Variants in MTPAP observed in about 807,000 individuals in gnomAD.
The protein encoded by MTPAP is mitochondrial poly(A) polymerase.
A neutral mutation model predicts 48.7 loss-of-function variants in MTPAP; 23 were observed. The ratio of observed to expected loss-of-function variants is 0.47; its 90% CI spans 0.34 to 0.67. The LOEUF (loss-of-function observed/expected upper bound fraction) is 0.67, where lower values mean the gene tolerates loss of function less well. MTPAP is among the 30% of genes least tolerant of loss of function. The pLI, the probability that MTPAP is intolerant of heterozygous loss-of-function variation, is 0.01. For missense variants in MTPAP, 614 were observed against 694.3 expected, an observed-to-expected ratio of 0.88 and a Z score of 1.30; for synonymous variants, 257 against 254.1, an observed-to-expected ratio of 1.01 and a Z score of -0.11.
intron 6 of MTPAP, among the ~76,000 whole-genome samples, chr10:30,321,462 A>C (rs923789584): frequency 6.6e-6 from 1 of 152,190 alleles, no homozygotes; most frequent in African/African-American, 2.4e-5. Context: ...AGCATGGAAG[A>C]AATAATTTAG....
intron 4 of MTPAP, among the ~76,000 whole-genome samples, chr10:30,331,739 G>T (rs899989879): frequency 6.6e-6 from 1 of 152,164 alleles, no homozygotes; most frequent in Non-Finnish European, 1.5e-5. Flanking sequence ...GCTAATTTTT[G>T]TTATCTTTGT....
chr10:30,333,244 C>T (rs950614060), intron 4 of MTPAP, among the ~76,000 whole-genome samples: 5 of 152,086 alleles, frequency 3.3e-5, no homozygotes, highest in African/African-American at 1.2e-4. Flanking sequence ...AATTATATTG[C>T]TGTTGATGGT....
intron 4 of MTPAP, among the ~76,000 whole-genome samples, chr10:30,331,837 G>T (rs984312032): frequency 1.3e-5 from 2 of 152,258 alleles, no homozygotes; most frequent in Non-Finnish European, 2.9e-5. Context: ...AAAGTGCTGG[G>T]ATTACAGGCG....
intron 1 of MTPAP, among the ~76,000 whole-genome samples, chr10:30,342,969 T>C (rs763892951): frequency 1.6e-4 from 24 of 152,162 alleles, no homozygotes; most frequent in Non-Finnish European, 3.1e-4. Context: ...GGTCAACAAA[T>C]GAACTAAGTA....
intron 3 of MTPAP, among the ~76,000 whole-genome samples, chr10:30,338,376 C>T (rs1289835718): frequency 2.6e-5 from 4 of 151,750 alleles, no homozygotes; most frequent in Admixed American, 2.6e-4. Context: ...GCATTCAACT[C>T]AAAAATAATA....
chr10:30,344,271 T>A (rs1203125790), intron 1 of MTPAP, among the ~76,000 whole-genome samples: 1 of 152,186 alleles, frequency 6.6e-6, no homozygotes, highest in Non-Finnish European at 1.5e-5. Flanking sequence ...ATGAACTATC[T>A]ATGTCTTCTT....
At position 30,313,721 on chromosome 10, in the gene MTPAP, C is replaced by T. The variant is rs17855116; in HGVS notation, c.1637G>A (p.Ser546Asn). 1.7e-3 allele frequency: 2,681 copies of T among 1,614,140 alleles called. 12 individuals are homozygous for T. The highest frequency in any genetic ancestry group is 1.2e-3 in the Non-Finnish European group (1,398 of 1,180,020). Reference sequence around the variant, plus strand: ...GACTGTTTCAATTGCAAACTTATTGCTTTTCTTCTTGGTAAAGGACTTTCT... The same window carrying T: ...GACTGTTTCAATTGCAAACTTATTGTTTTTCTTCTTGGTAAAGGACTTTCT... The part of the protein sequence containing the change: ...PNRKSFTKKK[S>N]NKFAIETVKN... Residue 546 changes from serine (S) to asparagine (N), a missense_variant, in exon 9 of 9, where the codon AGC becomes AAC. Coordinates refer to ENST00000263063, the MANE Select transcript of MTPAP (RefSeq NM_018109.4).
chr10:30,310,993 G>A lies in MTPAP; in HGVS notation c.*2616C>T, dbSNP rs1057121466. ...AGTAAAACAGCCTAGTGTCAAGGCT[G>A]TCCTACAAATTACCAAAAAGAAAAG... On this transcript the variant is annotated 3_prime_UTR_variant, in exon 9 of 9. Coordinates refer to ENST00000263063, the MANE Select transcript of MTPAP (RefSeq NM_018109.4). 1 of 151,976 alleles carries A rather than the reference G, an allele frequency of 6.6e-6. No homozygotes were observed. Among genetic ancestry groups the A allele is most frequent in the African/African-American group, 2.4e-5 (1 of 41,368 alleles). The allele number at this position is 151,976 out of a possible 1,614,324, so 9.4% of individuals were successfully genotyped here.
Position 30,313,306 on chromosome 10 carries a change from G to T in MTPAP, c.*303C>A. 2.8e-6 allele frequency: 1 copy of T among 361,450 alleles called. No homozygotes were observed. Among genetic ancestry groups the T allele is most frequent in the Non-Finnish European group, 5.1e-6 (1 of 195,700 alleles). 22.4% of individuals were successfully genotyped at this position (361,450 alleles called of 1,614,324 possible). ...GATGGAATCTTGCTATGTTGTCCAC[G>T]ATGGATTCAAAATCCTGGGCTCAAG... On this transcript the variant is annotated 3_prime_UTR_variant, in exon 9 of 9. Transcript: ENST00000263063.
chr10:30,335,617 A>T (rs1834721476), intron 4 of MTPAP, among the ~76,000 whole-genome samples: 1 of 152,220 alleles, frequency 6.6e-6, no homozygotes, highest in South Asian at 2.1e-4. Context: ...TGTTAAAGAG[A>T]ACATAAATGG....
chr10:30,343,554 A>T (rs979474453), intron 1 of MTPAP, among the ~76,000 whole-genome samples: 1 of 151,742 alleles, frequency 6.6e-6, no homozygotes, highest in Non-Finnish European at 1.5e-5. Context: ...CAAACCCACT[A>T]TCTTACTATC....
rs772735834 is a variant in MTPAP at position 30,322,585 on chromosome 10, A to C, written c.1025T>G (p.Ile342Arg). ...IALTSSELLY[I>R]YGALDSRVRA... is the part of the protein sequence containing the mutation. ...CACTCTTGAGTCTAGGGCACCATATATATAAAGGAGTTCGGAACTTGTCAA... is the reference window on the plus strand; with the variant it reads ...CACTCTTGAGTCTAGGGCACCATATCTATAAAGGAGTTCGGAACTTGTCAA... The change falls in exon 6 of 9, where the codon ATA (isoleucine) becomes AGA (arginine). Residue 342 changes from isoleucine (I) to arginine (R), a missense_variant. Around this residue, in one of 5 missense-constraint regions of MTPAP, gnomAD observed 261 missense variants for 355.4 expected, o/e 0.73. Transcript: ENST00000263063. 2 of 1,613,936 alleles carry C rather than the reference A, an allele frequency of 1.2e-6. No individual in the cohort carries two copies.
At chr10:30,338,202 G>A (rs965486129) in intron 3 of MTPAP, among the ~76,000 whole-genome samples, 1 of 152,098 alleles carries the variant, frequency 6.6e-6, no homozygotes, top group Admixed American at 6.6e-5. Context: ...TGCAGCTACA[G>A]TGAGCTGAGA....
At chr10:30,341,796 G>A (rs943074253) in intron 1 of MTPAP, among the ~76,000 whole-genome samples, 156 bp from the exon 2 acceptor site, 1 of 152,068 alleles carries the variant, frequency 6.6e-6, no homozygotes, top group African/African-American at 2.4e-5. Flanking sequence ...TACTACAGTA[G>A]TCTCCCCATT....
In MTPAP at chr10:30,326,598, T is replaced by G; in HGVS notation, c.818A>C (p.Asn273Thr). 1 of 1,613,768 alleles carries G rather than the reference T, an allele frequency of 6.2e-7. No individual in the cohort carries two copies. Among genetic ancestry groups the G allele is most frequent in the Non-Finnish European group, 8.5e-7 (1 of 1,179,682 alleles). Residue 273 changes from asparagine (N) to threonine (T), a missense_variant, in exon 5 of 9, where the codon AAT becomes ACT. By Grantham distance (65) the Asn-to-Thr change is moderately conservative (BLOSUM62 0). Transcript: ENST00000263063. ...AGTTGCAATTCTTTCTGAAGGAACA[T>G]TTTTCACTTGAAATTCCATCAGAAA... ...GNFLMEFQVKNVPSERIATQK... is the reference protein window; with the variant it reads ...GNFLMEFQVKTVPSERIATQK...
intron 4 of MTPAP, among the ~76,000 whole-genome samples, chr10:30,335,212 T>C (rs1043201209): frequency 6.6e-6 from 1 of 152,190 alleles, no homozygotes; most frequent in Non-Finnish European, 1.5e-5. Context: ...CTTGGCCGCG[T>C]GTGGTGACTC....
intron 1 of MTPAP, 119 bp downstream of exon 1, chr10:30,349,000 A>T: frequency 1.4e-6 from 2 of 1,455,974 alleles, no homozygotes; most frequent in South Asian, 2.3e-5. Context: ...AGGACAGGAC[A>T]CAGCCCCACC....
At chr10:30,346,591 AG>A (rs1834876058) in intron 1 of MTPAP, among the ~76,000 whole-genome samples, 1 of 152,226 alleles carries the variant, frequency 6.6e-6, no homozygotes, top group Non-Finnish European at 1.5e-5. Flanking sequence ...GTATCACTGC[AG>A]GTGAAAAAAA....
At chr10:30,332,544 T>C (rs537400706) in intron 4 of MTPAP, among the ~76,000 whole-genome samples, 66 of 152,314 alleles carry the variant, frequency 4.3e-4, no homozygotes, top group Non-Finnish European at 7.1e-4. Flanking sequence ...TCCACCCGAC[T>C]TGGCCTCCCA....
Sources: gnomAD v4.1 joint callset for allele counts (sites outside exome capture counted in the v4.1 genomes callset) on GRCh38, gnomAD v4.1.1 for gene constraint, gnomAD v4.1.1 regional missense constraint, MANE v1.5 for transcripts, NCBI Gene and HGNC (gene_info 2026-07-23, HGNC 2026-07-21) for gene names.